The following NFASC variants were observed in gnomAD, a reference collection of about 807,000 sequenced individuals.
The protein encoded by NFASC is neurofascin.
In NFASC, 43 loss-of-function variants were observed where a neutral mutation model predicts 147.5. The observed-to-expected ratio is 0.29, with a 90% CI of 0.23 to 0.38. The LOEUF (loss-of-function observed/expected upper bound fraction) is 0.38. NFASC is among the 10% of genes least tolerant of loss of function. The pLI, the probability that NFASC is intolerant of heterozygous loss-of-function variation, is 1.00. For synonymous variants in NFASC, 622 were observed against 665.5 expected, an observed-to-expected ratio of 0.93 and a Z score of 1.01; for missense variants, 1,320 against 1,689.0, an observed-to-expected ratio of 0.78 and a Z score of 3.83.
At chr1:204,898,546 T>C (rs1316370937) in intron 1 of NFASC, among the ~76,000 whole-genome samples, 1 of 152,216 alleles carries the variant, frequency 6.6e-6, no homozygotes, top group African/African-American at 2.4e-5. Flanking sequence ...AAGCAATGGA[T>C]TGTGAGGGCA....
intron 1 of NFASC, among the ~76,000 whole-genome samples, chr1:204,877,044 TATATA>T (rs1212987874): frequency 5.8e-5 from 6 of 103,440 alleles, no homozygotes; most frequent in Non-Finnish European, 6.6e-5. Context: ...TATTTATATA[TATATA>T]ATATATTTAT....
At chr1:204,884,671 G>T (rs1558573674) in intron 1 of NFASC, among the ~76,000 whole-genome samples, 1 of 152,066 alleles carries the variant, frequency 6.6e-6, no homozygotes, top group Non-Finnish European at 1.5e-5. Flanking sequence ...ATAGCCCCTC[G>T]CACATAGTAC....
chr1:204,984,007 T>C, intron 21 of NFASC: 1 of 1,571,156 alleles, frequency 6.4e-7, no homozygotes, highest in Non-Finnish European at 8.8e-7. Flanking sequence ...TAACCAGCTC[T>C]CTGTCCCAAC....
At chr1:204,886,452 C>T (rs2081335314) in intron 1 of NFASC, among the ~76,000 whole-genome samples, 1 of 152,146 alleles carries the variant, frequency 6.6e-6, no homozygotes, top group South Asian at 2.1e-4. Flanking sequence ...GTGGCTTACT[C>T]AGATCACTAT....
At chr1:204,995,713 T>C (rs2095833814) in intron 24 of NFASC, among the ~76,000 whole-genome samples, 1 of 152,118 alleles carries the variant, frequency 6.6e-6, no homozygotes, top group African/African-American at 2.4e-5. Context: ...GAGGGACTTG[T>C]AATTTTGGAG....
intron 8 of NFASC, among the ~76,000 whole-genome samples, chr1:204,964,469 G>C (rs965842338): frequency 1.2e-4 from 18 of 152,350 alleles, no homozygotes; most frequent in Non-Finnish European, 1.9e-4. Context: ...AGAAATTGTA[G>C]GGCAGACCAG....
At chr1:204,947,053 G>A in intron 3 of NFASC, 1 of 339,988 alleles carries the variant, frequency 2.9e-6, no homozygotes, top group Non-Finnish European at 5.8e-6. Flanking sequence ...AAAAGAGGAG[G>A]GAAAAGGCCA....
At chr1:204,974,398 G>A in intron 13 of NFASC, 108 bp downstream of exon 13, 2 of 898,536 alleles carry the variant, frequency 2.2e-6, no homozygotes, top group Non-Finnish European at 1.8e-6. Context: ...ATCTTAAAGG[G>A]TCAAAGCTGG....
chr1:205,008,106 G>A (rs932825675), intron 27 of NFASC, among the ~76,000 whole-genome samples: 1 of 152,116 alleles, frequency 6.6e-6, no homozygotes, highest in Non-Finnish European at 1.5e-5. Context: ...TCTTCACCCC[G>A]TACTGGCAAC....
intron 3 of NFASC, chr1:204,948,622 T>C: frequency 3.9e-6 from 2 of 519,094 alleles, no homozygotes; most frequent in Non-Finnish European, 7.7e-6. Context: ...GACCAGGCAC[T>C]GGGAGAGCTG....
At chr1:204,921,487 CTT>C (rs907864383) in intron 2 of NFASC, among the ~76,000 whole-genome samples, 4 of 152,170 alleles carry the variant, frequency 2.6e-5, no homozygotes, top group Admixed American at 2.6e-4. Flanking sequence ...TCGAAGGTGT[CTT>C]TCTCACTCCA....
At chr1:204,854,089 C>G (rs1211182524) in intron 1 of NFASC, among the ~76,000 whole-genome samples, 1 of 152,108 alleles carries the variant, frequency 6.6e-6, no homozygotes, top group Non-Finnish European at 1.5e-5. Flanking sequence ...TTCCCCACCC[C>G]CACCCACCAG....
chr1:204,910,253 T>C (rs996505151), intron 1 of NFASC, among the ~76,000 whole-genome samples: 1 of 152,194 alleles, frequency 6.6e-6, no homozygotes, highest in Non-Finnish European at 1.5e-5. Flanking sequence ...TTGATTTCTT[T>C]AATCAGTTCT....
intron 10 of NFASC, among the ~76,000 whole-genome samples, 161 bp from the exon 11 acceptor site, chr1:204,970,455 G>C (rs1334507620): frequency 6.6e-6 from 1 of 152,222 alleles, no homozygotes; most frequent in Non-Finnish European, 1.5e-5. Context: ...CCAGAAACAG[G>C]CTGGACCAAG....
intron 2 of NFASC, among the ~76,000 whole-genome samples, chr1:204,930,759 T>C (rs765572578): frequency 1.1e-4 from 16 of 152,210 alleles, no homozygotes; most frequent in Non-Finnish European, 2.2e-4. Flanking sequence ...GAATTTGCAC[T>C]GTGGAGAAGG....
In NFASC at chr1:205,015,587, G is replaced by A. The variant is rs1183351378; in HGVS notation, c.3492-721G>A. 6.6e-6 allele frequency among the ~76,000 whole-genome samples: 1 copy of A among 152,118 alleles called. No homozygotes were observed. Among genetic ancestry groups the A allele is most frequent in the Admixed American group, 6.5e-5 (1 of 15,276 alleles). On this transcript the variant is annotated intron_variant, in intron 29 of 29. Coordinates refer to ENST00000339876, the MANE Select transcript of NFASC (RefSeq NM_001005388.3). This position sits in a 1 kb window ranked among gnomAD's most constrained non-coding sequence, Gnocchi z 4.0. ...GGGGAGCTTAGGGTCAGGGCCTATG[G>A]GCCTCAGAAGGGGCTGGGCATGATC...
At chr1:204,974,885 A>T (rs1365404123) in intron 14 of NFASC, 62 bp downstream of exon 14, 1 of 1,519,122 alleles carries the variant, frequency 6.6e-7, no homozygotes, top group Non-Finnish European at 9.1e-7. Context: ...GCTGGCAGTT[A>T]TCCACATACA....
chr1:204,870,286 G>A (rs1334091003), intron 1 of NFASC, among the ~76,000 whole-genome samples: 3 of 152,206 alleles, frequency 2.0e-5, no homozygotes, highest in Non-Finnish European at 1.5e-5. Flanking sequence ...TGAGGCTCTC[G>A]AGCAGAAGTG....
intron 1 of NFASC, among the ~76,000 whole-genome samples, chr1:204,878,377 A>G (rs2079455163): frequency 6.6e-6 from 1 of 152,240 alleles, no homozygotes; most frequent in Admixed American, 6.5e-5. Flanking sequence ...TTAAAAAAAC[A>G]TAATGGCAAA....
Sources: allele counts gnomAD v4.1 joint callset (sites outside exome capture counted in the v4.1 genomes callset), GRCh38; gene constraint gnomAD v4.1.1; non-coding constraint Gnocchi (gnomAD v3.1); transcripts MANE v1.5; gene names NCBI Gene and HGNC (gene_info 2026-07-23, HGNC 2026-07-21).